Variants in ASS1 observed in about 807,000 individuals in gnomAD.
ASS1 encodes argininosuccinate synthase.
A neutral mutation model predicts 60.5 loss-of-function variants in ASS1; 58 were observed. The ratio of observed to expected loss-of-function variants is 0.96; its 90% CI spans 0.78 to 1.19. The LOEUF is 1.19. Ranked by LOEUF, ASS1 falls within the 50% of genes most tolerant of loss-of-function variation. The pLI is 0.00. For synonymous variants in ASS1, 200 were observed against 206.9 expected (o/e 0.97, Z 0.29); for missense variants, 454 against 547.3 (o/e 0.83, Z 1.70).
chr9:130,458,651 T>A (rs1287616716), intron 4 of ASS1, 62 bp downstream of exon 4: 1 of 1,573,094 alleles, frequency 6.4e-7, no homozygotes, highest in Middle Eastern at 2.2e-4. Flanking sequence ...GGGAAGGAGA[T>A]GAGCACCCCT....
At chr9:130,495,089 C>A in intron 13 of ASS1, 66 bp downstream of exon 13, 1 of 1,535,794 alleles carries the variant, frequency 6.5e-7, no homozygotes. Flanking sequence ...ACTGGATCCT[C>A]AAGACATCTG....
intron 8 of ASS1, among the ~76,000 whole-genome samples, chr9:130,472,417 C>A (rs528083977): frequency 6.2e-4 from 95 of 152,172 alleles, no homozygotes; most frequent in Non-Finnish European, 1.3e-3. Context: ...TATCACATGG[C>A]AGCCACCATG....
At chr9:130,490,156 CA>C (rs1481777033) in intron 12 of ASS1, among the ~76,000 whole-genome samples, 5 of 152,252 alleles carry the variant, frequency 3.3e-5, no homozygotes, top group African/African-American at 1.2e-4. Context: ...CCCGGGTTTC[CA>C]TGCCTTGGAA....
chr9:130,491,609 G>T lies in ASS1; in HGVS notation c.970+2145G>T, dbSNP rs1846451910. Reference sequence around the variant, plus strand: ...ATGCTCGTGATCAAGGGGCACGGCGGCACAGACAGGGGAACCCTGGGTGTA... The same window carrying T: ...ATGCTCGTGATCAAGGGGCACGGCGTCACAGACAGGGGAACCCTGGGTGTA... On this transcript the variant is annotated intron_variant, in intron 12 of 14. Coordinates refer to ENST00000352480, the MANE Select transcript of ASS1 (RefSeq NM_054012.4). The surrounding 1 kb of genome is among the most constrained non-coding windows in gnomAD (Gnocchi z 5.3). Among the ~76,000 whole-genome samples the T allele has an allele frequency of 6.6e-6, 1 of 152,232 alleles. No individual in the cohort carries two copies. Among genetic ancestry groups the T allele is most frequent in the South Asian group, 2.1e-4 (1 of 4,836 alleles).
chr9:130,489,230 C>T lies in ASS1; in HGVS notation c.839-103C>T. ...GGCCGGCTTGTCTCCTGTCAGACGA[C>T]TCATTATTATTATTATTTTTTTTTT... On this transcript the variant is annotated intron_variant, in intron 11 of 14. Coordinates refer to ENST00000352480, the MANE Select transcript of ASS1 (RefSeq NM_054012.4). The surrounding 1 kb of genome is among the most constrained non-coding windows in gnomAD (Gnocchi z 4.1). 6.7e-7 allele frequency: 1 copy of T among 1,498,544 alleles called. No individual in the cohort carries two copies. The highest frequency in any genetic ancestry group is 1.2e-5 in the South Asian group (1 of 86,238). The allele number at this position is 1,498,544 out of a possible 1,614,324, so 92.8% of individuals were successfully genotyped here. A position where few individuals can be genotyped will look rare whatever the true frequency, so the allele number is the denominator to read the frequency against.
intron 3 of ASS1, among the ~76,000 whole-genome samples, chr9:130,455,006 CCATT>C (rs1845413223): frequency 6.6e-6 from 1 of 151,444 alleles, no homozygotes; most frequent in Non-Finnish European, 1.5e-5. Context: ...ATCCATCCAT[CCATT>C]CACCCATCAT....
At position 130,489,961 on chromosome 9, in the gene ASS1, A is replaced by G; in HGVS notation, c.970+497A>G. ...AACCTGGACCTACTCCATGAACTTG[A>G]GGGAGAGGCTCCCTGGACCAGGAAC... On this transcript the variant is annotated intron_variant, in intron 12 of 14. Coordinates refer to ENST00000352480, the MANE Select transcript of ASS1 (RefSeq NM_054012.4). This position sits in a 1 kb window ranked among gnomAD's most constrained non-coding sequence, Gnocchi z 4.1. Among the ~76,000 whole-genome samples, 1 of 152,346 alleles carries G rather than the reference A, an allele frequency of 6.6e-6. No individual in the cohort carries two copies. The highest frequency in any genetic ancestry group is 1.9e-4 in the East Asian group (1 of 5,178).
At chr9:130,458,090 C>T (rs572443584) in intron 3 of ASS1, among the ~76,000 whole-genome samples, 25 of 149,490 alleles carry the variant, frequency 1.7e-4, no homozygotes, top group South Asian at 4.2e-4. Context: ...ACCTGGGAGA[C>T]GGAGGTTGCA....
At chr9:130,461,022 A>C (rs1845577679) in intron 4 of ASS1, among the ~76,000 whole-genome samples, 1 of 88,414 alleles carries the variant, frequency 1.1e-5, no homozygotes, top group Non-Finnish European at 2.4e-5. Context: ...TGTCCCAAAC[A>C]AAAAAAAAAG....
At chr9:130,463,787 T>A (rs1845660751) in intron 4 of ASS1, among the ~76,000 whole-genome samples, 1 of 152,126 alleles carries the variant, frequency 6.6e-6, no homozygotes, top group African/African-American at 2.4e-5. Flanking sequence ...GAGACTATAG[T>A]GCGAGCTCTG....
chr9:130,463,215 G>A (rs1845645083), intron 4 of ASS1, among the ~76,000 whole-genome samples: 2 of 152,240 alleles, frequency 1.3e-5, no homozygotes, highest in South Asian at 2.1e-4. Context: ...TTTCCACAGC[G>A]CTTAAGTCTC....
intron 13 of ASS1, among the ~76,000 whole-genome samples, chr9:130,496,201 G>T (rs975067259): frequency 6.6e-6 from 1 of 151,770 alleles, no homozygotes; most frequent in African/African-American, 2.4e-5. Context: ...CAGGAGGATC[G>T]CTTGAGGCCA....
chr9:130,487,538 C>G (rs986295926), intron 11 of ASS1, among the ~76,000 whole-genome samples: 6 of 152,050 alleles, frequency 3.9e-5, no homozygotes, highest in Non-Finnish European at 7.4e-5. Context: ...CGTCCACCTC[C>G]AGAACATTTT....
chr9:130,490,533 C>T (rs1447284469), intron 12 of ASS1, among the ~76,000 whole-genome samples: 4 of 152,110 alleles, frequency 2.6e-5, no homozygotes, highest in Admixed American at 6.5e-5. Flanking sequence ...AGGCTGGTCT[C>T]GAACTCCTGA....
rs1372479016 is a variant in ASS1, at chr9:130,494,777, C to T, written c.971-90C>T. On this transcript the variant is annotated intron_variant, in intron 12 of 14. Transcript: ENST00000352480. This position sits in a 1 kb window ranked among gnomAD's most constrained non-coding sequence, Gnocchi z 4.3. ...GTCATGGTCTGCATGGCGGGGTAAA[C>T]CATGGGGCACCCTTCCTGTGCCCCA... The T allele has an allele frequency of 1.2e-5, 18 of 1,542,658 alleles. No individual in the cohort carries two copies. The highest frequency in any genetic ancestry group is 2.1e-4 in the Middle Eastern group (1 of 4,794).
chr9:130,482,620 G>A (rs1254001338), intron 11 of ASS1, among the ~76,000 whole-genome samples: 1 of 152,258 alleles, frequency 6.6e-6, no homozygotes, highest in Non-Finnish European at 1.5e-5. Context: ...ATGAACTGAA[G>A]GAGGTGGTTA....
chr9:130,474,278 C>T (rs1294871134), intron 8 of ASS1, among the ~76,000 whole-genome samples: 1 of 152,162 alleles, frequency 6.6e-6, no homozygotes, highest in Non-Finnish European at 1.5e-5. Context: ...CTGTCAGGTG[C>T]CTGCCCGACA....
At chr9:130,497,569 T>C (rs2118889171) in intron 13 of ASS1, among the ~76,000 whole-genome samples, 1 of 151,930 alleles carries the variant, frequency 6.6e-6, no homozygotes, top group Middle Eastern at 3.4e-3. Context: ...TAAAAAGAGG[T>C]TTTTTAGTTC....
At chr9:130,463,360 C>T (rs1396872938) in intron 4 of ASS1, among the ~76,000 whole-genome samples, 5 of 152,090 alleles carry the variant, frequency 3.3e-5, no homozygotes, top group South Asian at 4.1e-4. Flanking sequence ...ACGGTGGTCC[C>T]GGCTATGTCG....
Sources: allele counts gnomAD v4.1 joint callset (sites outside exome capture counted in the v4.1 genomes callset), GRCh38; gene constraint gnomAD v4.1.1; non-coding constraint Gnocchi (gnomAD v3.1); transcripts MANE v1.5; gene names NCBI Gene and HGNC (gene_info 2026-07-23, HGNC 2026-07-21).